The following DCHS2 variants were observed in gnomAD, a reference collection of about 807,000 sequenced individuals.
DCHS2 encodes protocadherin-23.
Under a neutral mutation model 182.4 loss-of-function variants are expected in DCHS2, and 142 were observed. The ratio of observed to expected loss-of-function variants is 0.78; its 90% CI spans 0.68 to 0.89. The LOEUF is 0.89. Ranked by LOEUF, DCHS2 falls within the 40% of genes least tolerant of loss-of-function variation. The probability of loss-of-function intolerance (pLI) is 0.00; values close to 1 mark genes in which losing one functional copy is unlikely to be tolerated. For missense variants in DCHS2, 4,319 were observed against 4,198.6 expected (o/e 1.03, Z -0.79); for synonymous variants, 1,740 against 1,663.3 (o/e 1.05, Z -1.12).
intron 1 of DCHS2, among the ~76,000 whole-genome samples, chr4:154,430,811 C>T (rs1419457456): frequency 6.6e-6 from 1 of 152,132 alleles, no homozygotes; most frequent in Non-Finnish European, 1.5e-5. Flanking sequence ...TGTTCCAGCA[C>T]CATTTTTTAC....
rs547129145 is a variant in DCHS2, at chr4:154,251,929, A to T, written c.6941+3590T>A. ...TGTATATTCATAAACATCAAACAGA[A>T]ATTAATGCCTATTTTATAATTTGTC... On this transcript the variant is annotated intron_variant, in intron 16 of 19. Coordinates refer to ENST00000357232, the MANE Select transcript of DCHS2 (RefSeq NM_001358235.2). Among the ~76,000 whole-genome samples the T allele has an allele frequency of 3.9e-5, 6 of 152,280 alleles. No individual in the cohort carries two copies. The South Asian group carries it at 1.0e-3, about 26-fold the overall frequency.
At chr4:154,302,950 C>T (rs1229804528) in intron 12 of DCHS2, among the ~76,000 whole-genome samples, 1 of 65,046 alleles carries the variant, frequency 1.5e-5, no homozygotes, top group Non-Finnish European at 2.6e-5. Context: ...CACACACACA[C>T]ACACACACAC....
intron 1 of DCHS2, among the ~76,000 whole-genome samples, chr4:154,452,440 A>G (rs1407544683): frequency 6.6e-6 from 1 of 152,068 alleles, no homozygotes; most frequent in South Asian, 2.1e-4. Context: ...CCTGGCCAAC[A>G]TGGTGAAACC....
intron 7 of DCHS2, among the ~76,000 whole-genome samples, chr4:154,325,316 CGTGTGTGTGTGTGTGTGTGTGTGTGT>C (rs75589397): frequency 7.0e-6 from 1 of 142,660 alleles, no homozygotes; most frequent in Non-Finnish European, 1.5e-5. Context: ...GGATTATAGC[CGTGTGTGTGTGTGTGTGTGTGTGTGT>C]GTGTGTGTGT....
chr4:154,381,507 T>C (rs1215068421), intron 1 of DCHS2, among the ~76,000 whole-genome samples: 1 of 152,066 alleles, frequency 6.6e-6, no homozygotes, highest in South Asian at 2.1e-4. Flanking sequence ...CTCTCTTTAC[T>C]GACAATATAA....
intron 1 of DCHS2, among the ~76,000 whole-genome samples, chr4:154,443,467 A>G (rs1387087810): frequency 6.6e-6 from 1 of 152,180 alleles, no homozygotes; most frequent in Non-Finnish European, 1.5e-5. Flanking sequence ...ATGACTGTCA[A>G]TCCTGTTTCT....
chr4:154,482,026 AGCC>A (rs1735940655), intron 1 of DCHS2, among the ~76,000 whole-genome samples: 2 of 152,234 alleles, frequency 1.3e-5, no homozygotes, highest in Non-Finnish European at 2.9e-5. Context: ...TGAAGGTAAC[AGCC>A]TGGGCTGTTT....
rs1728723105 is a variant in DCHS2 at position 154,489,687 on chromosome 4, C to A, written c.1669G>T (p.Val557Leu). The A allele has an allele frequency of 2.6e-6, 4 of 1,551,738 alleles. No homozygotes were observed. Among genetic ancestry groups the A allele is most frequent in the Non-Finnish European group, 3.5e-6 (4 of 1,146,998 alleles). ...TCGGAGGCGCTGACCCACATGACTA[C>A]AGTGCCAGGGGCCGCGGCCTCGGAC... ...SVSEAAAPGT[V>L]VMWVSASDAD... Residue 557 changes from valine (V) to leucine (L), a missense_variant, in exon 1 of 20, where the codon GTA (valine) becomes TTA (leucine). Transcript: ENST00000357232.
At chr4:154,359,345 T>C (rs1176129308) in intron 3 of DCHS2, among the ~76,000 whole-genome samples, 1 of 152,006 alleles carries the variant, frequency 6.6e-6, no homozygotes, top group Non-Finnish European at 1.5e-5. Context: ...ACGTACATAA[T>C]CATGCTCTTC....
chr4:154,459,221 C>T (rs73854781), intron 1 of DCHS2, among the ~76,000 whole-genome samples: 4,587 of 151,982 alleles, frequency 0.03, 159 homozygotes, highest in African/African-American at 0.081. Context: ...CATATTCTCA[C>T]GACAAAATGG....
At chr4:154,317,077 T>C (rs1183208161) in intron 9 of DCHS2, among the ~76,000 whole-genome samples, 2 of 152,196 alleles carry the variant, frequency 1.3e-5, no homozygotes, top group African/African-American at 2.4e-5. Context: ...TTCACAGCCA[T>C]AGCCACAAAA....
chr4:154,271,001 A>T (rs1222595877), intron 13 of DCHS2, among the ~76,000 whole-genome samples: 2 of 152,188 alleles, frequency 1.3e-5, no homozygotes, highest in Non-Finnish European at 2.9e-5. Flanking sequence ...AAATTCAGTT[A>T]GGTATAGGAA....
intron 3 of DCHS2, among the ~76,000 whole-genome samples, chr4:154,350,317 C>A (rs541161560): frequency 6.6e-6 from 1 of 152,312 alleles, no homozygotes; most frequent in South Asian, 2.1e-4. Flanking sequence ...ATACATCTAA[C>A]AACTAGCACC....
intron 3 of DCHS2, among the ~76,000 whole-genome samples, chr4:154,359,952 C>A (rs1197220257): frequency 2.0e-5 from 3 of 151,650 alleles, no homozygotes; most frequent in African/African-American, 7.3e-5. Flanking sequence ...TCAGTAGAAC[C>A]TATATTTATC....
chr4:154,367,543 T>G (rs1322713281), intron 2 of DCHS2, among the ~76,000 whole-genome samples: 15 of 152,160 alleles, frequency 9.9e-5, no homozygotes, highest in Non-Finnish European at 5.9e-5. Flanking sequence ...GCAAATGAAA[T>G]AGAAGAAAAT....
chr4:154,483,211 A>T (rs192511563), intron 1 of DCHS2, among the ~76,000 whole-genome samples: 172 of 152,276 alleles, frequency 1.1e-3, no homozygotes, highest in African/African-American at 3.9e-3. Flanking sequence ...TTACAACCGA[A>T]CAGAGAAGGA....
intron 1 of DCHS2, among the ~76,000 whole-genome samples, chr4:154,399,277 C>A (rs745887135): frequency 6.6e-6 from 1 of 152,178 alleles, no homozygotes; most frequent in Admixed American, 6.5e-5. Flanking sequence ...TGCTTTTAAT[C>A]GTTCCCCCAA....
At chr4:154,373,491 T>C (rs13125339) in intron 2 of DCHS2, among the ~76,000 whole-genome samples, 2 of 151,942 alleles carry the variant, frequency 1.3e-5, no homozygotes, top group African/African-American at 4.8e-5. Context: ...AAAACACATA[T>C]GTTGCTTGCT....
chr4:154,350,322 A>G (rs1002506550), intron 3 of DCHS2, among the ~76,000 whole-genome samples: 9 of 152,262 alleles, frequency 5.9e-5, no homozygotes, highest in Non-Finnish European at 8.8e-5. Flanking sequence ...TCTAACAACT[A>G]GCACCAAAAA....
Sources: gnomAD v4.1 joint callset for allele counts (sites outside exome capture counted in the v4.1 genomes callset) on GRCh38, gnomAD v4.1.1 for gene constraint, MANE v1.5 for transcripts, NCBI Gene and HGNC (gene_info 2026-07-23, HGNC 2026-07-21) for gene names.